Variants in USH2A observed in about 807,000 individuals in gnomAD.
The protein encoded by USH2A is usherin.
In USH2A, 443 loss-of-function variants were observed where a neutral mutation model predicts 538.9. That is an observed-to-expected ratio of 0.82 (90% CI 0.76 to 0.89). The LOEUF (loss-of-function observed/expected upper bound fraction) is 0.89. USH2A is among the 40% of genes least tolerant of loss of function. USH2A has a pLI of 0.00. For synonymous variants in USH2A, 2,413 were observed against 2,273.5 expected, an observed-to-expected ratio of 1.06 and a Z score of -1.75; for missense variants, 6,633 against 6,324.8, an observed-to-expected ratio of 1.05 and a Z score of -1.65.
At chr1:215,942,511 A>G (rs1164684988) in intron 37 of USH2A, among the ~76,000 whole-genome samples, 3 of 152,164 alleles carry the variant, frequency 2.0e-5, no homozygotes, top group Non-Finnish European at 4.4e-5. Flanking sequence ...CTAGAAAGAG[A>G]TTTTGGACAA....
Position 216,422,105 on chromosome 1 carries a change from A to C in USH2A, c.232T>G (p.Phe78Val), listed in dbSNP as rs775094277. The change falls in exon 2 of 72, where the codon TTC becomes GTC. Residue 78 changes from phenylalanine to valine, a missense_variant. Phe to Val is a conservative substitution (Grantham distance 50). Transcript: ENST00000307340. ...HSSAAAESIQ[F>V]CTQRFCIQDC... Reference sequence around the variant, plus strand: ...TGAATACAAAACCGCTGGGTACAGAACTGAATACTTTCAGCAGCAGCAGAG... The same window carrying C: ...TGAATACAAAACCGCTGGGTACAGACCTGAATACTTTCAGCAGCAGCAGAG... 8.7e-6 allele frequency: 14 copies of C among 1,613,722 alleles called. No individual in the cohort carries two copies. The highest frequency in any genetic ancestry group is 1.7e-5 in the Admixed American group (1 of 59,926).
At chr1:215,915,706 T>C (rs901408692) in intron 38 of USH2A, among the ~76,000 whole-genome samples, 35 of 152,068 alleles carry the variant, frequency 2.3e-4, no homozygotes, top group Non-Finnish European at 3.4e-4. Context: ...CAAAGGACTA[T>C]AAATCATGCT....
rs541475937 is a variant in USH2A, at chr1:216,214,388, C to A, written c.3157+2999G>T. Among the ~76,000 whole-genome samples, 3 of 152,130 alleles carry A rather than the reference C, an allele frequency of 2.0e-5. No homozygotes were observed. The South Asian group carries it at 6.2e-4, about 32-fold the overall frequency. On this transcript the variant is annotated intron_variant, in intron 15 of 71. Transcript: ENST00000307340. ...TCTACTGAGACATGCAACAATATGA[C>A]TGAACCTCAAAAACATTTTGTTAAG... is the stretch of plus-strand genomic sequence containing the variant.
At chr1:215,764,609 G>A (rs1000765201) in intron 56 of USH2A, among the ~76,000 whole-genome samples, 14 of 152,104 alleles carry the variant, frequency 9.2e-5, no homozygotes, top group South Asian at 2.1e-4. Flanking sequence ...CTCAGCTTGC[G>A]TTGGCTATGC....
intron 21 of USH2A, among the ~76,000 whole-genome samples, chr1:216,172,279 G>T (rs190369345): frequency 6.6e-6 from 1 of 151,920 alleles, no homozygotes; most frequent in Non-Finnish European, 1.5e-5. Flanking sequence ...TTATGAATGC[G>T]TTTATAATTC....
chr1:215,696,255 C>T (rs1427125543), intron 61 of USH2A, among the ~76,000 whole-genome samples: 2 of 152,088 alleles, frequency 1.3e-5, no homozygotes, highest in African/African-American at 4.8e-5. Flanking sequence ...TCATCCTTGC[C>T]ATTTTCTTGT....
intron 64 of USH2A, among the ~76,000 whole-genome samples, chr1:215,659,192 TG>T (rs1164922501): frequency 2.0e-5 from 3 of 152,224 alleles, no homozygotes; most frequent in Non-Finnish European, 2.9e-5. Context: ...AGAAAATGGT[TG>T]GCTTATCCAG....
At chr1:216,220,700 G>A (rs191910521) in intron 14 of USH2A, among the ~76,000 whole-genome samples, 3 of 152,114 alleles carry the variant, frequency 2.0e-5, no homozygotes, top group Admixed American at 1.3e-4. Context: ...AACCTGGAAA[G>A]GTGAGCAGAA....
At chr1:215,784,097 G>A (rs1368722511) in intron 52 of USH2A, among the ~76,000 whole-genome samples, 1 of 151,882 alleles carries the variant, frequency 6.6e-6, no homozygotes, top group African/African-American at 2.4e-5. Flanking sequence ...TGCCTGTGAT[G>A]GCAACCATGA....
At chr1:215,827,472 A>C (rs989635849) in intron 47 of USH2A, among the ~76,000 whole-genome samples, 1 of 152,182 alleles carries the variant, frequency 6.6e-6, no homozygotes, top group African/African-American at 2.4e-5. Flanking sequence ...GAGCCATAAT[A>C]ATAAGCCCAA....
At chr1:216,203,256 TATAC>T (rs1402546910) in intron 16 of USH2A, among the ~76,000 whole-genome samples, 3 of 151,784 alleles carry the variant, frequency 2.0e-5, no homozygotes, top group Non-Finnish European at 4.4e-5. Flanking sequence ...TACACATATA[TATAC>T]ATACATATAT....
chr1:216,015,824 C>T (rs1668695909), intron 32 of USH2A, among the ~76,000 whole-genome samples: 1 of 152,134 alleles, frequency 6.6e-6, no homozygotes, highest in South Asian at 2.1e-4. Flanking sequence ...ACCACTTGAC[C>T]TAGCTATCCC....
At chr1:216,082,156 G>A (rs879918805) in intron 26 of USH2A, among the ~76,000 whole-genome samples, 1 of 151,998 alleles carries the variant, frequency 6.6e-6, no homozygotes, top group Non-Finnish European at 1.5e-5. Context: ...TCATTCACAT[G>A]TTCACTCATT....
At chr1:216,162,998 T>C (rs1219818373) in intron 21 of USH2A, among the ~76,000 whole-genome samples, 1 of 152,012 alleles carries the variant, frequency 6.6e-6, no homozygotes, top group Non-Finnish European at 1.5e-5. Context: ...TGAATTCCAG[T>C]TTTTATTCCT....
In USH2A at chr1:215,782,892, A is replaced by G. The variant is rs1375185260; in HGVS notation, c.10431T>C (p.Ser3477=). The G allele has an allele frequency of 1.2e-6, 2 of 1,613,872 alleles. No individual in the cohort carries two copies. The highest frequency in any genetic ancestry group is 3.3e-5 in the Admixed American group (2 of 59,950). Residue 3477 remains serine, a synonymous_variant, in exon 53 of 72, where the codon TCT becomes TCC. Transcript: ENST00000307340. The stretch of plus-strand genomic sequence containing the variant: ...GTCCTCGCCCATAGCTGTTCCAGGC[A>G]GAAATCCTGTACTCATATGTCATGT... ...KPYMTYEYRI[S]AWNSYGRGLS...
rs779542709 is a variant in USH2A at position 216,421,978 on chromosome 1, G to A, written c.359C>T (p.Ala120Val). The A allele has an allele frequency of 6.2e-7, 1 of 1,613,916 alleles. No individual in the cohort carries two copies. The highest frequency in any genetic ancestry group is 1.1e-5 in the South Asian group (1 of 91,082). Residue 120 changes from alanine to valine, a missense_variant, in exon 2 of 72, where the codon GCC (alanine) becomes GTC (valine). Physicochemically the swap from Ala to Val is moderately conservative, Grantham distance 64. Transcript: ENST00000307340. ...AATAAAACTTGCAGAATTGCTATGG[G>A]CGTTAGGATGCAGATCATTCTTGTC... ...TPDKNDLHPN[A>V]HSNSASFIFG...
At chr1:216,324,131 T>G in intron 7 of USH2A, 37 bp downstream of exon 7, 1 of 1,429,080 alleles carries the variant, frequency 7.0e-7, no homozygotes. Context: ...TAATAACCAA[T>G]CAGTCTATTA....
intron 35 of USH2A, among the ~76,000 whole-genome samples, chr1:215,979,273 A>G (rs1667695056): frequency 6.6e-6 from 1 of 152,154 alleles, no homozygotes; most frequent in African/African-American, 2.4e-5. Flanking sequence ...CCCATGACAC[A>G]TGGGGATTTT....
intron 61 of USH2A, among the ~76,000 whole-genome samples, chr1:215,721,788 G>T (rs1183660433): frequency 1.3e-5 from 2 of 152,162 alleles, no homozygotes; most frequent in African/African-American, 4.8e-5. Flanking sequence ...GTTTTGCCAT[G>T]GTCAGTGGCT....
Sources: gnomAD v4.1 joint callset for allele counts (sites outside exome capture counted in the v4.1 genomes callset) on GRCh38, gnomAD v4.1.1 for gene constraint, MANE v1.5 for transcripts, NCBI Gene and HGNC (gene_info 2026-07-23, HGNC 2026-07-21) for gene names.